XKR9: variants seen among roughly 807,000 people sequenced by gnomAD.
The protein encoded by XKR9 is XK-related protein 9.
In XKR9, 32 loss-of-function variants were observed where a neutral mutation model predicts 32.0. That is an observed-to-expected ratio of 1.00 (90% CI 0.76 to 1.34). XKR9 has a LOEUF of 1.34. Among genes scored for constraint, XKR9 ranks in the 40% most tolerant of loss-of-function variants. The pLI, the probability that XKR9 is intolerant of heterozygous loss-of-function variation, is 0.00. For synonymous variants in XKR9, 168 were observed against 143.4 expected, an observed-to-expected ratio of 1.17 and a Z score of -1.22; for missense variants, 546 against 429.7, an observed-to-expected ratio of 1.27 and a Z score of -2.39.
the XKR9 span, among the ~76,000 whole-genome samples, chr8:70,876,218 C>CTTT: frequency 4.9e-4 from 50 of 101,450 alleles, no homozygotes; most frequent in Non-Finnish European, 7.0e-4. Context: ...AAGATTCGTT[C>CTTT]TTTTTTTTTT....
chr8:70,697,291 G>T (rs1264989810), intron 3 of XKR9, among the ~76,000 whole-genome samples: 1 of 151,380 alleles, frequency 6.6e-6, no homozygotes, highest in Admixed American at 6.6e-5. Flanking sequence ...TCCAGTTTTT[G>T]CCCATTCAGT....
the XKR9 span, among the ~76,000 whole-genome samples, chr8:70,986,105 T>C: frequency 6.6e-6 from 1 of 152,296 alleles, no homozygotes; most frequent in Non-Finnish European, 1.5e-5. Context: ...CATCGAAAAG[T>C]GAACATGTGT....
At chr8:70,885,305 G>A in the XKR9 span, among the ~76,000 whole-genome samples, 233 of 152,112 alleles carry the variant, frequency 1.5e-3, 4 homozygotes, top group East Asian at 0.042. Context: ...TACAAGGTAC[G>A]TCCTTCCAGT....
At chr8:70,762,954 T>G (rs1313641374) in intron 2 of XKR9, among the ~76,000 whole-genome samples, 1 of 152,186 alleles carries the variant, frequency 6.6e-6, no homozygotes, top group Non-Finnish European at 1.5e-5. Flanking sequence ...ATTGAAATCA[T>G]GAATTGTATG....
the XKR9 span, among the ~76,000 whole-genome samples, chr8:70,883,332 A>G: frequency 1.3e-5 from 2 of 152,064 alleles, no homozygotes; most frequent in African/African-American, 4.8e-5. Flanking sequence ...GCTGAGTAGT[A>G]TTCCTTGGTG....
the XKR9 span, among the ~76,000 whole-genome samples, chr8:71,028,623 A>G: frequency 6.6e-6 from 1 of 152,284 alleles, no homozygotes; most frequent in East Asian, 1.9e-4. Context: ...AGTGAATTTC[A>G]AATGTCCCAC....
At chr8:70,726,745 G>T (rs981420319) in intron 4 of XKR9, among the ~76,000 whole-genome samples, 16 of 152,180 alleles carry the variant, frequency 1.1e-4, no homozygotes, top group Non-Finnish European at 7.4e-5. Context: ...TTAGCTCGTT[G>T]ACTTTCTGGA....
the XKR9 span, among the ~76,000 whole-genome samples, chr8:70,828,730 G>GAAAAAAAAAAA: frequency 8.4e-6 from 1 of 119,526 alleles, no homozygotes; most frequent in Non-Finnish European, 1.7e-5. Context: ...CAAAAAAAAA[G>GAAAAAAAAAAA]AAAAAAAAAA....
chr8:71,024,187 G>T, the XKR9 span, among the ~76,000 whole-genome samples: 1 of 152,212 alleles, frequency 6.6e-6, no homozygotes, highest in African/African-American at 2.4e-5. Flanking sequence ...CAGGGTGCAT[G>T]CAAGTGCACT....
chr8:70,754,290 C>A (rs1238139885), intron 2 of XKR9, among the ~76,000 whole-genome samples: 1 of 146,790 alleles, frequency 6.8e-6, no homozygotes, highest in Non-Finnish European at 1.5e-5. Flanking sequence ...GGAGAACATT[C>A]CATGCTTATG....
chr8:70,878,658 G>A, the XKR9 span, among the ~76,000 whole-genome samples: 6 of 152,116 alleles, frequency 3.9e-5, no homozygotes, highest in African/African-American at 1.4e-4. Flanking sequence ...CATAAAGCAA[G>A]TCCTTAGAGA....
chr8:70,971,399 C>A, the XKR9 span, among the ~76,000 whole-genome samples: 1 of 151,302 alleles, frequency 6.6e-6, no homozygotes, highest in African/African-American at 2.4e-5. Context: ...AGATTTCCTC[C>A]CACTGTGTGG....
rs1806847154 is a variant in XKR9, at chr8:70,735,782, A to T, written c.*1358A>T. The T allele has an allele frequency of 6.6e-6, 1 of 151,944 alleles. No homozygotes were observed. Among genetic ancestry groups the T allele is most frequent in the Admixed American group, 6.6e-5 (1 of 15,234 alleles). The allele number at this position is 151,944 out of a possible 1,614,324, so 9.4% of individuals were successfully genotyped here. On this transcript the variant is annotated 3_prime_UTR_variant, in exon 5 of 5. Coordinates refer to ENST00000408926, the MANE Select transcript of XKR9 (RefSeq NM_001011720.2). Reference sequence around the variant, plus strand: ...TCCAGCTTCATCCATGTCCCTACAAAGGACATGAACTCATCATTTTTTATG... The same window carrying T: ...TCCAGCTTCATCCATGTCCCTACAATGGACATGAACTCATCATTTTTTATG...
intron 3 of XKR9, among the ~76,000 whole-genome samples, chr8:70,682,505 T>A (rs1694134812): frequency 6.6e-6 from 1 of 152,202 alleles, no homozygotes; most frequent in Admixed American, 6.5e-5. Context: ...AAAGGCCAAA[T>A]TGCCTTGATT....
chr8:70,783,045 A>T (rs1422699498), intron 2 of XKR9, among the ~76,000 whole-genome samples: 1 of 152,148 alleles, frequency 6.6e-6, no homozygotes, highest in Admixed American at 6.5e-5. Flanking sequence ...CAATAATAGA[A>T]GGTTGAACCA....
chr8:70,771,057 A>G (rs1211550930), intron 2 of XKR9, among the ~76,000 whole-genome samples: 1 of 152,132 alleles, frequency 6.6e-6, no homozygotes, highest in Admixed American at 6.5e-5. Context: ...CACCTGAGGG[A>G]ATCTCCTGTT....
At chr8:70,846,769 G>C in the XKR9 span, among the ~76,000 whole-genome samples, 1 of 151,946 alleles carries the variant, frequency 6.6e-6, no homozygotes, top group African/African-American at 2.4e-5. Flanking sequence ...AATAAAAATA[G>C]TGAAATGAGA....
intron 2 of XKR9, among the ~76,000 whole-genome samples, chr8:70,747,225 C>T (rs1316557601): frequency 2.0e-5 from 3 of 152,052 alleles, no homozygotes; most frequent in East Asian, 3.9e-4. Flanking sequence ...GACATGAGTG[C>T]GGGTGACTTT....
At chr8:70,792,433 C>T (rs1202155208), downstream of XKR9, among the ~76,000 whole-genome samples, 1 of 152,062 alleles carries the variant, frequency 6.6e-6, no homozygotes, top group Non-Finnish European at 1.5e-5. Flanking sequence ...AGGAAATGAC[C>T]TTGAAGCTGA....
Sources: allele counts gnomAD v4.1 joint callset (sites outside exome capture counted in the v4.1 genomes callset), GRCh38; gene constraint gnomAD v4.1.1; transcripts MANE v1.5; gene names NCBI Gene and HGNC (gene_info 2026-07-23, HGNC 2026-07-21).